The following PDE1C variants were observed in gnomAD, a reference collection of about 807,000 sequenced individuals.
PDE1C encodes dual specificity calcium/calmodulin-dependent 3',5'-cyclic nucleotide phosphodiesterase 1C.
In PDE1C, 62 loss-of-function variants were observed where a neutral mutation model predicts 93.1. The ratio of observed to expected loss-of-function variants is 0.67; its 90% confidence interval spans 0.54 to 0.82. PDE1C has a LOEUF of 0.82. PDE1C is among the 40% of genes least tolerant of loss of function. The probability of loss-of-function intolerance (pLI) is 0.00; values close to 1 mark genes in which losing one functional copy is unlikely to be tolerated. For synonymous variants in PDE1C, 325 were observed against 310.1 expected, an observed-to-expected ratio of 1.05 and a Z score of -0.50; for missense variants, 742 against 884.6, an observed-to-expected ratio of 0.84 and a Z score of 2.04.
intron 6 of PDE1C, among the ~76,000 whole-genome samples, chr7:31,872,724 G>A (rs1052970994): frequency 6.6e-6 from 1 of 152,124 alleles, no homozygotes; most frequent in Admixed American, 6.5e-5. Context: ...ACCCCACCTC[G>A]AGAGTCTACA....
At chr7:32,117,307 A>G (rs925300423) in intron 3 of PDE1C, among the ~76,000 whole-genome samples, 10 of 152,230 alleles carry the variant, frequency 6.6e-5, no homozygotes, top group African/African-American at 2.4e-4. Context: ...AATAACAACT[A>G]TAAGAAAACT....
At chr7:31,652,178 A>G in the PDE1C span, 1 of 775,714 alleles carries the variant, frequency 1.3e-6, no homozygotes, top group East Asian at 2.7e-5. Context: ...CATTTTAAGT[A>G]TACAGAGAAG....
At chr7:31,755,213 G>A (rs1466830962) in intron 17 of PDE1C, among the ~76,000 whole-genome samples, 1 of 152,144 alleles carries the variant, frequency 6.6e-6, no homozygotes, top group South Asian at 2.1e-4. Context: ...AGGTTAGAAT[G>A]GTCCATGTGG....
In PDE1C at chr7:32,208,939, G is replaced by C. The variant is rs577589852; in HGVS notation, c.136+550C>G. ...CCATTCAATCCATCTAAGCTTCAAA[G>C]TGTCACCAAACTGAGGAAAAGCCAG... is the stretch of plus-strand genomic sequence containing the variant. On this transcript the variant is annotated intron_variant, in intron 2 of 18. Transcript: ENST00000396193. 9.8e-5 allele frequency among the ~76,000 whole-genome samples: 15 copies of C among 152,320 alleles called. 1 individual carries two copies. In the South Asian group the frequency reaches 3.1e-3, roughly 32 times the overall value.
intron 2 of PDE1C, among the ~76,000 whole-genome samples, chr7:32,031,020 C>T: frequency 6.6e-6 from 1 of 152,136 alleles, no homozygotes; most frequent in East Asian, 1.9e-4. Context: ...TGAAACAATT[C>T]CTGTCCACTG....
chr7:31,636,792 T>TA, the PDE1C span, among the ~76,000 whole-genome samples: 1 of 151,766 alleles, frequency 6.6e-6, no homozygotes, highest in Non-Finnish European at 1.5e-5. Flanking sequence ...GTTTGTTACA[T>TA]ATGTATACAT....
At chr7:32,223,553 T>C (rs1041798867) in intron 1 of PDE1C, among the ~76,000 whole-genome samples, 4 of 152,192 alleles carry the variant, frequency 2.6e-5, no homozygotes, top group African/African-American at 7.2e-5. Flanking sequence ...TGAAACATCA[T>C]GTCCCCTGGT....
intron 6 of PDE1C, among the ~76,000 whole-genome samples, chr7:31,872,351 T>C: frequency 6.6e-6 from 1 of 152,100 alleles, no homozygotes; most frequent in East Asian, 1.9e-4. Context: ...CAAGAATGTA[T>C]TGTGCATTTC....
the PDE1C span, chr7:31,695,565 A>G: frequency 6.2e-7 from 1 of 1,609,046 alleles, no homozygotes; most frequent in Non-Finnish European, 8.5e-7. Flanking sequence ...GAGTCAGACC[A>G]AAAAAAACCA....
chr7:31,830,583 TGACA>T (rs552946787), intron 11 of PDE1C, among the ~76,000 whole-genome samples: 192 of 152,348 alleles, frequency 1.3e-3, no homozygotes, highest in African/African-American at 4.0e-3. Flanking sequence ...CAGACATTCA[TGACA>T]GACAAACTAA....
At chr7:32,291,115 A>G (rs890963086) in intron 1 of PDE1C, among the ~76,000 whole-genome samples, 1 of 152,228 alleles carries the variant, frequency 6.6e-6, no homozygotes, top group Admixed American at 6.5e-5. Flanking sequence ...GGTAGGTAAT[A>G]TAATTGTCTA....
At chr7:31,645,006 T>A in the PDE1C span, among the ~76,000 whole-genome samples, 2 of 152,194 alleles carry the variant, frequency 1.3e-5, no homozygotes, top group African/African-American at 2.4e-5. Flanking sequence ...ATCCATTCCA[T>A]AAATATTTGT....
At chr7:31,865,142 G>A in intron 6 of PDE1C, 60 bp from the exon 7 acceptor site, 2 of 1,582,368 alleles carry the variant, frequency 1.3e-6, no homozygotes, top group Non-Finnish European at 1.7e-6. Flanking sequence ...TGGAGACACA[G>A]AAGTCTAAGG....
chr7:32,321,441 A>G (rs1783289621), intron 1 of PDE1C, among the ~76,000 whole-genome samples: 1 of 152,228 alleles, frequency 6.6e-6, no homozygotes, highest in South Asian at 2.1e-4. Flanking sequence ...TAATTTCTCC[A>G]GCATGCATAA....
rs189537414 is a variant in PDE1C, at chr7:32,265,023, A to G, written c.85+33628T>C. Among the ~76,000 whole-genome samples, 134 of 152,314 alleles carry G rather than the reference A, an allele frequency of 8.8e-4. 1 individual carries two copies. The highest frequency in any genetic ancestry group is 3.1e-3 in the African/African-American group (127 of 41,560). On this transcript the variant is annotated intron_variant, in intron 1 of 18. Transcript: ENST00000396193. ...AGCAATGGCAACAGTCCAGTTTGTG[A>G]TAGAACTCACTCAGAAATATAAAAT...
intron 5 of PDE1C, 64 bp from the exon 6 acceptor site, chr7:31,873,472 C>T: frequency 1.0e-6 from 1 of 967,730 alleles, no homozygotes; most frequent in African/African-American, 1.6e-5. Context: ...CTACCAGTCT[C>T]CTCACTTTCA....
intron 3 of PDE1C, among the ~76,000 whole-genome samples, chr7:32,147,095 A>T (rs951602181): frequency 1.1e-4 from 17 of 152,028 alleles, no homozygotes; most frequent in East Asian, 9.6e-4. Context: ...ACATAATGGA[A>T]TACTCTGGTG....
chr7:31,952,614 A>G (rs111886843), intron 2 of PDE1C, among the ~76,000 whole-genome samples: 6 of 152,106 alleles, frequency 3.9e-5, no homozygotes, highest in African/African-American at 1.2e-4. Context: ...GATGCTGCTT[A>G]GTCCTGAATT....
chr7:32,323,258 C>A (rs561879357), intron 1 of PDE1C, among the ~76,000 whole-genome samples: 1 of 152,170 alleles, frequency 6.6e-6, no homozygotes, highest in Non-Finnish European at 1.5e-5. Flanking sequence ...CAAGTATTTG[C>A]AGATTTACTT....
Sources: gnomAD v4.1 joint callset for allele counts (sites outside exome capture counted in the v4.1 genomes callset) on GRCh38, gnomAD v4.1.1 for gene constraint, MANE v1.5 for transcripts, NCBI Gene and HGNC (gene_info 2026-07-23, HGNC 2026-07-21) for gene names.